The following PITPNM2 variants were observed in gnomAD, a reference collection of about 807,000 sequenced individuals.
PITPNM2 encodes phosphatidylinositol transfer protein membrane associated 2.
PITPNM2 carries 35 observed loss-of-function variants against 132.2 expected under a neutral mutation model. The observed-to-expected ratio is 0.26, with a 90% confidence interval of 0.20 to 0.35. The LOEUF (loss-of-function observed/expected upper bound fraction) is 0.35. Among genes scored for constraint, PITPNM2 ranks in the 10% least tolerant of loss-of-function variants. The pLI is 1.00. For missense variants in PITPNM2, 1,332 were observed against 1,912.0 expected (o/e 0.70, Z 5.66); for synonymous variants, 738 against 799.2 (o/e 0.92, Z 1.29).
chr12:122,988,179 G>A lies in PITPNM2; in HGVS notation c.2997+55C>T, dbSNP rs1372655197. On this transcript the variant is annotated intron_variant, in intron 20 of 25. Transcript: ENST00000320201. ...CAACTCAGTTTCCTCATCTGGACACGGAGGCTGGTGACAGGGTGACATCGT... is the reference window on the plus strand; with the variant it reads ...CAACTCAGTTTCCTCATCTGGACACAGAGGCTGGTGACAGGGTGACATCGT... 4 of 1,446,640 alleles carry A rather than the reference G, an allele frequency of 2.8e-6. No homozygotes were observed. In the African/African-American group the frequency reaches 5.6e-5, roughly 20 times the overall value. The allele number at this position is 1,446,640 out of a possible 1,614,324, so 89.6% of individuals were successfully genotyped here.
intron 2 of PITPNM2, among the ~76,000 whole-genome samples, chr12:123,039,183 C>T (rs2040376660): frequency 6.6e-6 from 1 of 152,086 alleles, no homozygotes; most frequent in African/African-American, 2.4e-5. Context: ...GGCTTGAGCA[C>T]AGGAGGTCAA....
At chr12:123,028,139 AG>A (rs530376075) in intron 3 of PITPNM2, among the ~76,000 whole-genome samples, 20 of 152,360 alleles carry the variant, frequency 1.3e-4, no homozygotes, top group African/African-American at 4.1e-4. Context: ...AGCCGCTCCC[AG>A]GGTCCTGGCC....
At chr12:123,034,317 C>T (rs1383176893) in intron 3 of PITPNM2, 196 bp downstream of exon 3, 14 of 543,612 alleles carry the variant, frequency 2.6e-5, no homozygotes, top group South Asian at 8.5e-5. Flanking sequence ...AATCTGATGC[C>T]GTGCGCCCAT....
chr12:122,997,881 T>C (rs927790720), intron 10 of PITPNM2, among the ~76,000 whole-genome samples: 1 of 152,170 alleles, frequency 6.6e-6, no homozygotes, highest in African/African-American at 2.4e-5. Flanking sequence ...AGGGAGTCCA[T>C]TCCTTTGAGA....
chr12:123,059,184 G>A (rs185648829), intron 2 of PITPNM2, among the ~76,000 whole-genome samples: 1 of 152,324 alleles, frequency 6.6e-6, no homozygotes, highest in Admixed American at 6.5e-5. Context: ...CAGAGAGGAG[G>A]AGCTCACAAG....
chr12:123,040,242 G>A (rs2040417016), intron 2 of PITPNM2, among the ~76,000 whole-genome samples: 1 of 152,170 alleles, frequency 6.6e-6, no homozygotes, highest in African/African-American at 2.4e-5. Context: ...GGAGGAAATG[G>A]GAGTAGTTGT....
chr12:123,086,306 C>T (rs1224199763), intron 2 of PITPNM2, among the ~76,000 whole-genome samples: 2 of 152,212 alleles, frequency 1.3e-5, no homozygotes, highest in African/African-American at 4.8e-5. Context: ...CTAGTTCCTT[C>T]AACCCTCTAA....
intron 8 of PITPNM2, among the ~76,000 whole-genome samples, chr12:123,003,939 C>G (rs1447427745): frequency 2.6e-5 from 4 of 152,212 alleles, no homozygotes; most frequent in African/African-American, 7.2e-5. Flanking sequence ...ATGGGCACTT[C>G]ACATGTTTTC....
chr12:123,072,485 T>C (rs530251983), intron 2 of PITPNM2, among the ~76,000 whole-genome samples: 81 of 152,298 alleles, frequency 5.3e-4, no homozygotes, highest in Non-Finnish European at 9.6e-4. Flanking sequence ...AGGCTGGCAA[T>C]TGTCCCTCTC....
chr12:123,120,053 T>C (rs947332210), intron 1 of PITPNM2, among the ~76,000 whole-genome samples: 2 of 152,188 alleles, frequency 1.3e-5, no homozygotes, highest in Admixed American at 1.3e-4. Flanking sequence ...CTGTATGGCC[T>C]GCCGGGGTTT....
rs1424087070 is a variant in PITPNM2, at chr12:122,997,424, G to A, written c.1373C>T (p.Thr458Ile). The change falls in exon 11 of 26, where the codon ACC becomes ATC. Residue 458 changes from threonine (T) to isoleucine (I), a missense_variant. Coordinates refer to ENST00000320201, the MANE Select transcript of PITPNM2 (RefSeq NM_020845.3). ...GCTGGGGTAGTGCACGCGCATGACG[G>A]TGTCGAACACGTTGGCGATGGTGTT... ...DANTIANVFD[T>I]VMRVHYPSAL... 1.2e-6 allele frequency: 2 copies of A among 1,613,564 alleles called. No individual in the cohort carries two copies. Among genetic ancestry groups the A allele is most frequent in the Admixed American group, 1.7e-5 (1 of 60,030 alleles).
chr12:123,050,984 C>G (rs764544554), intron 2 of PITPNM2, among the ~76,000 whole-genome samples: 1 of 152,178 alleles, frequency 6.6e-6, no homozygotes, highest in Non-Finnish European at 1.5e-5. Context: ...GTTGCACAGG[C>G]TATGCACTGT....
In PITPNM2 at chr12:122,992,568, C is replaced by T. The variant is rs779013183; in HGVS notation, c.2335G>A (p.Ala779Thr). 5.6e-6 allele frequency: 9 copies of T among 1,611,508 alleles called. No homozygotes were observed. The highest frequency in any genetic ancestry group is 2.2e-5 in the South Asian group (2 of 90,964). ...LEPLLERRFH[A>T]LPPFSVPRYQ... ...CGGGGGACGCTGAAAGGCGGCAGGGCGTGAAAGCGCCGTTCCAGCAGCGGC... is the reference window on the plus strand; with the variant it reads ...CGGGGGACGCTGAAAGGCGGCAGGGTGTGAAAGCGCCGTTCCAGCAGCGGC... Residue 779 changes from alanine to threonine, a missense_variant, in exon 16 of 26, where the codon GCC (alanine) becomes ACC (threonine). Around this residue, in one of 6 missense-constraint regions of PITPNM2, gnomAD observed 710 missense variants for 911.5 expected, o/e 0.78. Transcript: ENST00000320201. The surrounding 1 kb of genome is among the most constrained non-coding windows in gnomAD (Gnocchi z 6.5).
chr12:123,099,235 G>GAA lies in PITPNM2; in HGVS notation c.-96+11148_-96+11149dup, dbSNP rs34169662. Among the ~76,000 whole-genome samples, 1 of 148,860 alleles carries GAA rather than the reference G, an allele frequency of 6.7e-6. No individual in the cohort carries two copies. The highest frequency in any genetic ancestry group is 2.5e-5 in the African/African-American group (1 of 40,560). On this transcript the variant is annotated intron_variant, in intron 2 of 25. Transcript: ENST00000320201. This position sits in a 1 kb window ranked among gnomAD's most constrained non-coding sequence, Gnocchi z 4.2. ...CTCACCCAGAACTGTCGATTTTGCT[G>GAA]AAAAAAAAAATATATATCTTTTTTT... is the stretch of plus-strand genomic sequence containing the variant.
intron 3 of PITPNM2, among the ~76,000 whole-genome samples, chr12:123,024,852 A>C (rs1453509702): frequency 1.3e-5 from 2 of 152,162 alleles, no homozygotes; most frequent in African/African-American, 2.4e-5. Flanking sequence ...GAATAGGCTA[A>C]AAACCACCGA....
intron 3 of PITPNM2, among the ~76,000 whole-genome samples, chr12:123,019,584 C>T (rs934144998): frequency 3.9e-5 from 6 of 152,192 alleles, no homozygotes; most frequent in Non-Finnish European, 5.9e-5. Flanking sequence ...AATGAGCAAG[C>T]GCTCCTCTCT....
chr12:122,999,053 G>A (rs1331010313), intron 10 of PITPNM2, among the ~76,000 whole-genome samples: 1 of 151,846 alleles, frequency 6.6e-6, no homozygotes, highest in Non-Finnish European at 1.5e-5. Context: ...AGAGGTTGCA[G>A]TGAGCCAAGA....
chr12:123,001,115 G>C lies in PITPNM2; in HGVS notation c.1092C>G (p.Thr364=). ...DTEEMFPKDI[T]KWSSNDLMDK... is the part of the protein sequence containing the mutation. Reference sequence around the variant, plus strand: ...CCATGAGGTCATTGGAGCTCCACTTGGTGATGTCCTTGGGGAACATTTCCT... The same window carrying C: ...CCATGAGGTCATTGGAGCTCCACTTCGTGATGTCCTTGGGGAACATTTCCT... Residue 364 remains threonine, a synonymous_variant, in exon 9 of 26, where the codon ACC becomes ACG. Coordinates refer to ENST00000320201, the MANE Select transcript of PITPNM2 (RefSeq NM_020845.3). 15 of 1,614,192 alleles carry C rather than the reference G, an allele frequency of 9.3e-6. No homozygotes were observed. Among genetic ancestry groups the C allele is most frequent in the Non-Finnish European group, 1.2e-5 (14 of 1,180,026 alleles).
chr12:123,137,748 C>A (rs1039898295), intron 1 of PITPNM2, among the ~76,000 whole-genome samples: 1 of 151,866 alleles, frequency 6.6e-6, no homozygotes, highest in African/African-American at 2.4e-5. Context: ...CAAAAATTAG[C>A]GGGACGTGGT....
Sources: gnomAD v4.1 joint callset for allele counts (sites outside exome capture counted in the v4.1 genomes callset) on GRCh38, gnomAD v4.1.1 for gene constraint, gnomAD v4.1.1 regional missense constraint, Gnocchi (gnomAD v3.1) non-coding constraint, MANE v1.5 for transcripts, NCBI Gene and HGNC (gene_info 2026-07-23, HGNC 2026-07-21) for gene names.